Variants in VSIG4 observed in about 807,000 individuals in gnomAD.
The protein encoded by VSIG4 is V-set and immunoglobulin domain containing 4, also known as V-set and immunoglobulin domain-containing protein 4.
Under a neutral mutation model 23.4 loss-of-function variants are expected in VSIG4, and 34 were observed. The observed-to-expected ratio is 1.45, with a 90% confidence interval of 1.10 to 1.93. VSIG4 has a LOEUF of 1.93. VSIG4 is among the 30% of genes most tolerant of loss of function. VSIG4 has a pLI of 0.00. For synonymous variants in VSIG4, 169 were observed against 120.3 expected (o/e 1.41, Z -2.65); for missense variants, 433 against 310.8 (o/e 1.39, Z -2.96).
chrX:66,029,042 A>C lies in VSIG4; in HGVS notation c.695-930T>G, dbSNP rs1001900065. 2.7e-5 allele frequency among the ~76,000 whole-genome samples: 3 copies of C among 111,998 alleles called. No individual in the cohort carries two copies. In the Admixed American group the frequency reaches 2.8e-4, roughly 11 times the overall value. Reference sequence around the variant, plus strand: ...CAGTTCTGGGAAACTAGGAGGCCACACACAAGCACAGGGCCATGTACCTGC... The same window carrying C: ...CAGTTCTGGGAAACTAGGAGGCCACCCACAAGCACAGGGCCATGTACCTGC... On this transcript the variant is annotated intron_variant, in intron 3 of 7. Transcript: ENST00000374737.
intron 2 of VSIG4, 56 bp from the exon 3 acceptor site, chrX:66,032,805 A>G (rs899149599): frequency 8.8e-6 from 10 of 1,139,106 alleles, no homozygotes; most frequent in Non-Finnish European, 1.2e-6. Context: ...TATGGGACCA[A>G]AAGGCTGAAT....
chrX:66,027,579 AGAGATAG>A, intron 4 of VSIG4, 53 bp from the exon 5 acceptor site: 1 of 1,000,654 alleles, frequency 1.0e-6, no homozygotes, highest in East Asian at 3.3e-5. Context: ...CAAAAAGTTG[AGAGATAG>A]GAGATGGTTG....
At chrX:66,034,466 A>G (rs758380831) in intron 1 of VSIG4, among the ~76,000 whole-genome samples, 19 of 112,077 alleles carry the variant, frequency 1.7e-4, no homozygotes, top group Non-Finnish European at 3.4e-4. Flanking sequence ...AGTGTGAGGA[A>G]GAAGTCTGGA....
At position 66,027,536 on chromosome X, in the gene VSIG4, T is replaced by A. The variant is rs1323570168; in HGVS notation, c.758-10A>T. ...TTCACTGTAGATGTTGCTATGAATA[T>A]AGAGAATAGGGTCAGAGATGTCTCT... On this transcript the variant is annotated splice_polypyrimidine_tract_variant and intron_variant, in intron 4 of 7. Transcript: ENST00000374737. The A allele has an allele frequency of 8.6e-7, 1 of 1,167,647 alleles. No homozygotes were observed. Among genetic ancestry groups the A allele is most frequent in the South Asian group, 1.9e-5 (1 of 53,665 alleles).
At chrX:66,028,194 T>G in intron 3 of VSIG4, 82 bp from the exon 4 acceptor site, 2 of 872,777 alleles carry the variant, frequency 2.3e-6, no homozygotes, top group Non-Finnish European at 3.4e-6. Flanking sequence ...AGGAAGTAAG[T>G]AAAGGCCATT....
At chrX:66,030,315 G>A (rs748220027) in intron 3 of VSIG4, among the ~76,000 whole-genome samples, 7 of 111,722 alleles carry the variant, frequency 6.3e-5, no homozygotes, top group Non-Finnish European at 1.3e-4. Flanking sequence ...AGCTACCTTC[G>A]TGAGAAGGTT....
At chrX:66,038,955 T>C (rs2085652437) in intron 1 of VSIG4, among the ~76,000 whole-genome samples, 1 of 111,414 alleles carries the variant, frequency 9.0e-6, no homozygotes, top group African/African-American at 3.3e-5. Flanking sequence ...TTACCCTATA[T>C]TGGATCTCAC....
chrX:66,022,429 C>T lies in VSIG4; in HGVS notation c.1034G>A (p.Ser345Asn). Residue 345 changes from serine to asparagine, a missense_variant, in exon 8 of 8, where the codon AGT becomes AAT. By Grantham distance (46) the Ser-to-Asn change is conservative. Coordinates refer to ENST00000374737, the MANE Select transcript of VSIG4 (RefSeq NM_007268.3). The part of the protein sequence containing the change: ...RVAIFASGCS[S>N]DEPTSQNLGN... ...CAGATTCTGGGAAGTTGGCTCATCA[C>T]TGGAGCAGCCACTTGCGAAGATGGC... 1 of 1,211,995 alleles carries T rather than the reference C, an allele frequency of 8.3e-7. No individual in the cohort carries two copies. Among genetic ancestry groups the T allele is most frequent in the Non-Finnish European group, 1.1e-6 (1 of 895,590 alleles).
At chrX:66,037,987 A>G (rs1269549437) in intron 1 of VSIG4, among the ~76,000 whole-genome samples, 1 of 109,638 alleles carries the variant, frequency 9.1e-6, no homozygotes, top group African/African-American at 3.3e-5. Context: ...AAAGAGGTTG[A>G]CATTTTCCAT....
chrX:66,035,818 C>G (rs755833353), intron 1 of VSIG4, among the ~76,000 whole-genome samples: 3 of 112,336 alleles, frequency 2.7e-5, no homozygotes, highest in Non-Finnish European at 5.6e-5. Context: ...AAAGCATTCT[C>G]ACATTCCCCT....
At chrX:66,032,786 T>A in intron 2 of VSIG4, 37 bp from the exon 3 acceptor site, 1 of 1,187,428 alleles carries the variant, frequency 8.4e-7, no homozygotes, top group Middle Eastern at 2.4e-4. Flanking sequence ...CTCTGGGCAG[T>A]CATAAGGATA....
chrX:66,026,632 G>A (rs1022377762), intron 5 of VSIG4, among the ~76,000 whole-genome samples: 4 of 112,004 alleles, frequency 3.6e-5, no homozygotes, highest in Non-Finnish European at 7.5e-5. Context: ...CAGGAATGGA[G>A]AGTTACAAAG....
chrX:66,035,396 C>A (rs149517237), intron 1 of VSIG4, among the ~76,000 whole-genome samples: 1 of 111,801 alleles, frequency 8.9e-6, no homozygotes, highest in Non-Finnish European at 1.9e-5. Flanking sequence ...TGCCTTAGAA[C>A]GAACTTTGTG....
At chrX:66,037,941 A>C (rs1200437446) in intron 1 of VSIG4, among the ~76,000 whole-genome samples, 3 of 108,444 alleles carry the variant, frequency 2.8e-5, no homozygotes, top group Non-Finnish European at 5.7e-5. Flanking sequence ...GACCCATTCT[A>C]GGTCTCTTTC....
At chrX:66,032,895 G>T in intron 2 of VSIG4, 146 bp from the exon 3 acceptor site, 1 of 633,676 alleles carries the variant, frequency 1.6e-6, no homozygotes, top group South Asian at 3.6e-5. Flanking sequence ...GAAATAAGAA[G>T]GAAAGGGCAA....
At chrX:66,034,493 A>C (rs1362273539) in intron 1 of VSIG4, among the ~76,000 whole-genome samples, 1 of 112,056 alleles carries the variant, frequency 8.9e-6, no homozygotes, top group South Asian at 3.7e-4. Context: ...TTCCTGTTTA[A>C]CAAAATCATT....
At chrX:66,038,706 C>A (rs1313288592) in intron 1 of VSIG4, among the ~76,000 whole-genome samples, 3 of 111,543 alleles carry the variant, frequency 2.7e-5, no homozygotes, top group Non-Finnish European at 5.7e-5. Flanking sequence ...AGCATTAACT[C>A]TGCCACTAAT....
intron 5 of VSIG4, among the ~76,000 whole-genome samples, chrX:66,025,816 G>A (rs2085383473): frequency 8.9e-6 from 1 of 111,947 alleles, no homozygotes; most frequent in African/African-American, 3.2e-5. Context: ...TGGAGGAAGG[G>A]GGCCATGAGC....
chrX:66,035,010 G>A (rs2085519608), intron 1 of VSIG4, among the ~76,000 whole-genome samples: 1 of 110,802 alleles, frequency 9.0e-6, no homozygotes, highest in Non-Finnish European at 1.9e-5. Flanking sequence ...TCAGTCAAGC[G>A]GATGGAAGAT....
Sources: gnomAD v4.1 joint callset for allele counts (sites outside exome capture counted in the v4.1 genomes callset) on GRCh38, gnomAD v4.1.1 for gene constraint, MANE v1.5 for transcripts, NCBI Gene and HGNC (gene_info 2026-07-23, HGNC 2026-07-21) for gene names.